ESRRB: variants seen among roughly 807,000 people sequenced by gnomAD.
ESRRB encodes steroid hormone receptor ERR2.
A neutral mutation model predicts 46.0 loss-of-function variants in ESRRB; 16 were observed. The ratio of observed to expected loss-of-function variants is 0.35; its 90% CI spans 0.24 to 0.53. The LOEUF is 0.53. Among genes scored for constraint, ESRRB ranks in the 20% least tolerant of loss-of-function variants. The probability of loss-of-function intolerance (pLI) is 0.93; values close to 1 mark genes in which losing one functional copy is unlikely to be tolerated. For missense variants in ESRRB, 488 were observed against 607.4 expected, an observed-to-expected ratio of 0.80 and a Z score of 2.07; for synonymous variants, 246 against 259.6, an observed-to-expected ratio of 0.95 and a Z score of 0.50.
At chr14:76,344,106 G>C (rs1038564894) in intron 1 of ESRRB, among the ~76,000 whole-genome samples, 2 of 152,188 alleles carry the variant, frequency 1.3e-5, no homozygotes, top group African/African-American at 4.8e-5. Context: ...TCTGGGCTCA[G>C]TTTTCTCATC....
intron 2 of ESRRB, among the ~76,000 whole-genome samples, chr14:76,455,676 GA>G (rs1010118843): frequency 6.6e-6 from 1 of 152,100 alleles, no homozygotes; most frequent in African/African-American, 2.4e-5. Context: ...TGTATATGTG[GA>G]AATGCCTCTA....
At position 76,384,421 on chromosome 14, in the gene ESRRB, T is replaced by TATCATCGTGCAAACATAAAC. The variant is rs1298124204; in HGVS notation, c.50+7973_50+7974insATCGTGCAAACATAAACATC. ...ACCGTTTCTTGCTCCCAAACATAAA[T>TATCATCGTGCAAACATAAAC]ATCTTCGTGCAAACATAAACATGCA... On this transcript the variant is annotated intron_variant, in intron 1 of 6. Coordinates refer to ENST00000644823, the MANE Select transcript of ESRRB (RefSeq NM_001379180.1). Among the ~76,000 whole-genome samples, 33 of 152,174 alleles carry TATCATCGTGCAAACATAAAC rather than the reference T, an allele frequency of 2.2e-4. 1 individual carries two copies. The highest frequency in any genetic ancestry group is 2.2e-4 in the Non-Finnish European group (15 of 68,030).
intron 5 of ESRRB, among the ~76,000 whole-genome samples, chr14:76,489,929 C>G (rs1298227320): frequency 6.6e-6 from 1 of 152,228 alleles, no homozygotes; most frequent in Non-Finnish European, 1.5e-5. Context: ...GTAACAACAG[C>G]CACAGCCATG....
Position 76,477,582 on chromosome 14 carries a change from G to A in ESRRB, c.578-4434G>A, listed in dbSNP as rs758708861. Reference sequence around the variant, plus strand: ...CAAATAACCTGAAATAACCCGTAAGGGACAGAGATGGGCATGGGACCTTCA... The same window carrying A: ...CAAATAACCTGAAATAACCCGTAAGAGACAGAGATGGGCATGGGACCTTCA... On this transcript the variant is annotated intron_variant, in intron 3 of 6. Coordinates refer to ENST00000644823, the MANE Select transcript of ESRRB (RefSeq NM_001379180.1). 3.9e-5 allele frequency among the ~76,000 whole-genome samples: 6 copies of A among 152,214 alleles called. No individual in the cohort carries two copies. The Middle Eastern group carries it at 0.014, about 345-fold the overall frequency.
chr14:76,465,804 G>A (rs755762159), intron 3 of ESRRB, among the ~76,000 whole-genome samples: 6 of 152,256 alleles, frequency 3.9e-5, no homozygotes, highest in Non-Finnish European at 5.9e-5. Context: ...AGTGCTGGCA[G>A]GTCCAGATCC....
At chr14:76,429,712 T>C (rs1006035235) in intron 1 of ESRRB, among the ~76,000 whole-genome samples, 2 of 152,030 alleles carry the variant, frequency 1.3e-5, no homozygotes, top group Admixed American at 6.5e-5. Context: ...ATAGTGCCAT[T>C]GCACTCCAGC....
At position 76,444,547 on chromosome 14, in the gene ESRRB, T is replaced by G. The variant is rs181124524; in HGVS notation, c.460+4797T>G. The stretch of plus-strand genomic sequence containing the variant: ...CTAAGAAGCTGGAATCTGTTGTGGG[T>G]TTTTTTTTGTTTTGTTTTTGTAGAG... On this transcript the variant is annotated intron_variant, in intron 2 of 6. Transcript: ENST00000644823. 2.0e-3 allele frequency among the ~76,000 whole-genome samples: 299 copies of G among 148,880 alleles called. 12 individuals carry two copies. The East Asian group carries it at 0.046, about 23-fold the overall frequency.
At chr14:76,467,951 G>A (rs533721951) in intron 3 of ESRRB, among the ~76,000 whole-genome samples, 78 of 152,190 alleles carry the variant, frequency 5.1e-4, no homozygotes, top group African/African-American at 1.9e-3. Flanking sequence ...CTTTCCCCAA[G>A]TGTTTTCTAA....
intron 1 of ESRRB, among the ~76,000 whole-genome samples, chr14:76,338,589 C>T (rs1386547840): frequency 2.6e-5 from 4 of 152,196 alleles, no homozygotes; most frequent in Admixed American, 6.5e-5. Context: ...CCCCTCCTTT[C>T]GAAGAGAGGG....
chr14:76,444,712 T>G (rs1888059122), intron 2 of ESRRB, among the ~76,000 whole-genome samples: 1 of 152,206 alleles, frequency 6.6e-6, no homozygotes, highest in African/African-American at 2.4e-5. Context: ...TACTGCTTAG[T>G]GCCCATGAGT....
At chr14:76,409,133 T>G (rs571819423) in intron 1 of ESRRB, among the ~76,000 whole-genome samples, 53 of 152,308 alleles carry the variant, frequency 3.5e-4, no homozygotes, top group African/African-American at 9.1e-4. Flanking sequence ...TTGGACAGAT[T>G]AAGAAAGCTG....
intron 1 of ESRRB, among the ~76,000 whole-genome samples, chr14:76,322,272 T>C (rs141564392): frequency 1.3e-5 from 2 of 152,298 alleles, no homozygotes; most frequent in African/African-American, 4.8e-5. Context: ...CAGTCTTAGC[T>C]TTCCTTTGGA....
intron 1 of ESRRB, among the ~76,000 whole-genome samples, chr14:76,314,837 GCTGCCGAAA>G (rs1443949575): frequency 1.3e-5 from 2 of 151,986 alleles, no homozygotes; most frequent in Non-Finnish European, 2.9e-5. Flanking sequence ...GAGCCATATG[GCTGCCGAAA>G]CAGGCCCTGG....
intron 1 of ESRRB, among the ~76,000 whole-genome samples, chr14:76,352,685 T>C (rs1884327970): frequency 6.6e-6 from 1 of 152,168 alleles, no homozygotes; most frequent in Non-Finnish European, 1.5e-5. Context: ...CTGGTGAGGA[T>C]TGGATAACAG....
intron 1 of ESRRB, among the ~76,000 whole-genome samples, chr14:76,405,408 A>T (rs1377899093): frequency 6.6e-6 from 1 of 152,084 alleles, no homozygotes; most frequent in Non-Finnish European, 1.5e-5. Context: ...CACTGTGCCC[A>T]TCTGGTTCCC....
intron 6 of ESRRB, among the ~76,000 whole-genome samples, chr14:76,496,103 T>C (rs541287812): frequency 6.4e-4 from 98 of 152,374 alleles, no homozygotes; most frequent in African/African-American, 2.3e-3. Context: ...TTGTGAAGAA[T>C]GTGCAGTGAC....
intron 1 of ESRRB, among the ~76,000 whole-genome samples, chr14:76,427,945 C>G (rs1202800237): frequency 1.3e-5 from 2 of 152,192 alleles, no homozygotes; most frequent in African/African-American, 2.4e-5. Context: ...GCCATGGCTA[C>G]TATGAGGATT....
intron 2 of ESRRB, among the ~76,000 whole-genome samples, chr14:76,449,015 G>A (rs1338116137): frequency 1.3e-5 from 2 of 152,104 alleles, no homozygotes; most frequent in Non-Finnish European, 2.9e-5. Context: ...ATTTAACAGT[G>A]TTTCAGTGTG....
At chr14:76,352,597 C>T (rs1884327211) in intron 1 of ESRRB, among the ~76,000 whole-genome samples, 1 of 152,184 alleles carries the variant, frequency 6.6e-6, no homozygotes, top group South Asian at 2.1e-4. Context: ...TTAGCCCCAG[C>T]CAGGTGTGGG....
Sources: allele counts gnomAD v4.1 joint callset (sites outside exome capture counted in the v4.1 genomes callset), GRCh38; gene constraint gnomAD v4.1.1; transcripts MANE v1.5; gene names NCBI Gene and HGNC (gene_info 2026-07-23, HGNC 2026-07-21).